SND1: variants seen among roughly 807,000 people sequenced by gnomAD.
SND1 encodes the protein staphylococcal nuclease and tudor domain containing 1.
In SND1, 38 loss-of-function variants were observed where a neutral mutation model predicts 121.7. The ratio of observed to expected loss-of-function variants is 0.31; its 90% confidence interval spans 0.24 to 0.41. SND1 has a LOEUF of 0.41. Ranked by LOEUF, SND1 falls within the 10% of genes least tolerant of loss-of-function variation. The pLI, the probability that SND1 is intolerant of heterozygous loss-of-function variation, is 1.00. For synonymous variants in SND1, 401 were observed against 447.4 expected, an observed-to-expected ratio of 0.90 and a Z score of 1.31; for missense variants, 868 against 1,184.6, an observed-to-expected ratio of 0.73 and a Z score of 3.92.
intron 16 of SND1, among the ~76,000 whole-genome samples, chr7:128,044,870 C>T (rs1166789123): frequency 6.6e-6 from 1 of 152,056 alleles, no homozygotes; most frequent in Non-Finnish European, 1.5e-5. Context: ...CAGTTGTGTA[C>T]ATTTATCTCT....
At chr7:127,903,706 G>A (rs1800278941) in intron 13 of SND1, among the ~76,000 whole-genome samples, 2 of 152,140 alleles carry the variant, frequency 1.3e-5, no homozygotes, top group Non-Finnish European at 1.5e-5. Context: ...GACCCTGAAA[G>A]TAACCCCTGC....
At chr7:127,889,244 C>T (rs79316438) in intron 13 of SND1, among the ~76,000 whole-genome samples, 1 of 152,118 alleles carries the variant, frequency 6.6e-6, no homozygotes, top group East Asian at 1.9e-4. Context: ...TCTCATAAAC[C>T]TCCTTACTTT....
In SND1 at chr7:127,943,762, A is replaced by G. The variant is rs117467901; in HGVS notation, c.1669+14433A>G. Among the ~76,000 whole-genome samples the G allele has an allele frequency of 5.3e-4, 80 of 152,302 alleles. No individual in the cohort carries two copies. In the East Asian group the frequency reaches 0.014, roughly 26 times the overall value. ...GTGTGGCAGCAGGCACCTAGATGGC[A>G]CTCGGCACATTCATTTGGTAACGTT... On this transcript the variant is annotated intron_variant, in intron 15 of 23. Transcript: ENST00000354725.
At chr7:127,888,726 T>G (rs191846356) in intron 13 of SND1, among the ~76,000 whole-genome samples, 1 of 152,220 alleles carries the variant, frequency 6.6e-6, no homozygotes. Context: ...TGAACTGACT[T>G]GGATAGCTCA....
At chr7:127,942,116 A>G (rs1801226975) in intron 15 of SND1, among the ~76,000 whole-genome samples, 1 of 151,976 alleles carries the variant, frequency 6.6e-6, no homozygotes, top group Non-Finnish European at 1.5e-5. Context: ...ACATGGTAAC[A>G]GTTACTTGTT....
intron 22 of SND1, among the ~76,000 whole-genome samples, chr7:128,091,557 G>C (rs1019947144): frequency 6.6e-6 from 1 of 152,150 alleles, no homozygotes; most frequent in African/African-American, 2.4e-5. Context: ...TTAAGAGGGA[G>C]ATACTTTATC....
chr7:127,685,940 G>C (rs11975505), intron 1 of SND1: 2,457 of 153,488 alleles, frequency 0.016, 31 homozygotes, highest in Non-Finnish European at 0.024. Flanking sequence ...GCCCAGACTG[G>C]AATGCAATGG....
In SND1 at chr7:127,721,315, T is replaced by C; in HGVS notation, c.1067T>C (p.Ile356Thr). ...KVMQVLNADA[I>T]VVKLNSGDYK... Reference sequence around the variant, plus strand: ...ATGCAGGTTCTGAATGCTGATGCCATTGTTGTGAAGCTGAACTCAGGCGAT... The same window carrying C: ...ATGCAGGTTCTGAATGCTGATGCCACTGTTGTGAAGCTGAACTCAGGCGAT... Residue 356 changes from isoleucine to threonine, a missense_variant, in exon 10 of 24, where the codon ATT becomes ACT. Ile to Thr is a moderately conservative substitution (Grantham distance 89). Transcript: ENST00000354725. The C allele has an allele frequency of 6.2e-7, 1 of 1,613,640 alleles. No individual in the cohort carries two copies. Among genetic ancestry groups the C allele is most frequent in the Non-Finnish European group, 8.5e-7 (1 of 1,179,720 alleles).
chr7:128,039,878 G>A lies in SND1; in HGVS notation c.1780-34624G>A, dbSNP rs76615937. 7.9e-3 allele frequency among the ~76,000 whole-genome samples: 1,204 copies of A among 152,238 alleles called. 15 individuals are homozygous for A. Among genetic ancestry groups the A allele is most frequent in the Non-Finnish European group, 9.0e-3 (614 of 68,004 alleles). ...ACAATCACCACTAGCAGCAGTAAAG[G>A]GCGCCCCATTACCTCGCTTTATGGA... On this transcript the variant is annotated intron_variant, in intron 16 of 23. Transcript: ENST00000354725.
chr7:127,913,149 G>A (rs1206816582), intron 14 of SND1, among the ~76,000 whole-genome samples: 4 of 152,200 alleles, frequency 2.6e-5, no homozygotes, highest in Non-Finnish European at 5.9e-5. Context: ...CAGAGGTGGA[G>A]CACTGTTAAG....
intron 1 of SND1, among the ~76,000 whole-genome samples, chr7:127,659,882 T>C (rs538778715): frequency 1.3e-5 from 2 of 152,306 alleles, no homozygotes; most frequent in East Asian, 3.9e-4. Context: ...AAGGCTGTAA[T>C]TTTATAAGAA....
chr7:127,700,770 T>A (rs1796086749), intron 4 of SND1, among the ~76,000 whole-genome samples: 1 of 152,164 alleles, frequency 6.6e-6, no homozygotes, highest in Admixed American at 6.5e-5. Context: ...AGAGTGGTTC[T>A]TAGTCGGCTT....
At chr7:127,725,990 G>A (rs1796575678) in intron 10 of SND1, among the ~76,000 whole-genome samples, 1 of 151,900 alleles carries the variant, frequency 6.6e-6, no homozygotes, top group South Asian at 2.1e-4. Context: ...GGGTAGTAGG[G>A]CAAATTGTTT....
chr7:128,082,008 ACAGG>A, intron 18 of SND1: 1 of 530,480 alleles, frequency 1.9e-6, no homozygotes, highest in Non-Finnish European at 3.9e-6. Flanking sequence ...TTCCATGGAA[ACAGG>A]CAGCGCTCTA....
intron 10 of SND1, among the ~76,000 whole-genome samples, chr7:127,731,799 A>G (rs1796680780): frequency 6.6e-6 from 1 of 152,228 alleles, no homozygotes; most frequent in Non-Finnish European, 1.5e-5. Context: ...GAGAACCGTC[A>G]CTGGGGCTCT....
At chr7:127,771,313 T>C (rs1797509174) in intron 10 of SND1, among the ~76,000 whole-genome samples, 1 of 152,200 alleles carries the variant, frequency 6.6e-6, no homozygotes, top group Admixed American at 6.5e-5. Context: ...GGTTTTTGTT[T>C]TCCATAGATT....
At chr7:127,704,997 A>G (rs1796164548) in intron 8 of SND1, 52 bp downstream of exon 8, 1 of 1,470,200 alleles carries the variant, frequency 6.8e-7, no homozygotes, top group African/African-American at 1.4e-5. Flanking sequence ...AAGGATCTTT[A>G]GGGAAAGAAA....
Position 128,081,485 on chromosome 7 carries a change from G to A in SND1, c.2094G>A (p.Val698=). ...TEITDDLHFY[V]QDVETGTQLE... ...TCACTGATGACCTGCACTTCTACGT[G>A]CAGGATGTGGAGACCGGTGAGTGCT... is the stretch of plus-strand genomic sequence containing the variant. The change falls in exon 18 of 24, where the codon GTG becomes GTA. Residue 698 remains valine (V), a synonymous_variant. Transcript: ENST00000354725. 1 of 1,614,002 alleles carries A rather than the reference G, an allele frequency of 6.2e-7. No homozygotes were observed. Among genetic ancestry groups the A allele is most frequent in the Non-Finnish European group, 8.5e-7 (1 of 1,179,994 alleles).
rs11418632 is a variant in SND1, at chr7:127,808,163, CTT to C, written c.1242+606_1242+607del. ...AGATTTTTGTGTAGCTTGATGGCTTCTTTTTTTTTTTTTTTTTGAGACAACAT... is the reference window on the plus strand; with the variant it reads ...AGATTTTTGTGTAGCTTGATGGCTTCTTTTTTTTTTTTTTTGAGACAACAT... On this transcript the variant is annotated intron_variant, in intron 11 of 23. Coordinates refer to ENST00000354725, the MANE Select transcript of SND1 (RefSeq NM_014390.4). 4.2e-3 allele frequency among the ~76,000 whole-genome samples: 531 copies of C among 125,514 alleles called. 1 individual carries two copies. Among genetic ancestry groups the C allele is most frequent in the African/African-American group, 0.014 (461 of 33,208 alleles). 82.3% of individuals were successfully genotyped at this position (125,514 alleles called of 152,430 possible). A position where few individuals can be genotyped will look rare whatever the true frequency, so the allele number is the denominator to read the frequency against.
Sources: allele counts gnomAD v4.1 joint callset (sites outside exome capture counted in the v4.1 genomes callset), GRCh38; gene constraint gnomAD v4.1.1; transcripts MANE v1.5; gene names NCBI Gene and HGNC (gene_info 2026-07-23, HGNC 2026-07-21).